The following CALN1 variants were observed in gnomAD, a reference collection of about 807,000 sequenced individuals.
CALN1 encodes the protein calneuron 1, also known as calcium-binding protein 8.
In CALN1, 17 loss-of-function variants were observed where a neutral mutation model predicts 30.6. That is an observed-to-expected ratio of 0.56 (90% CI 0.38 to 0.83). The LOEUF is 0.83. Among genes scored for constraint, CALN1 ranks in the 40% least tolerant of loss-of-function variants. CALN1 has a pLI of 0.00. For missense variants in CALN1, 291 were observed against 354.9 expected (o/e 0.82, Z 1.45); for synonymous variants, 156 against 131.4 (o/e 1.19, Z -1.28).
At chr7:71,846,909 C>CATACATATATGTATATTATAT (rs930248202) in intron 5 of CALN1, among the ~76,000 whole-genome samples, 4 of 143,678 alleles carry the variant, frequency 2.8e-5, no homozygotes, top group African/African-American at 1.0e-4. Context: ...ATAATATATA[C>CATACATATATGTATATTATAT]ATACATATAT....
At chr7:72,304,800 CA>C (rs1274786614) in intron 2 of CALN1, among the ~76,000 whole-genome samples, 4 of 151,996 alleles carry the variant, frequency 2.6e-5, no homozygotes, top group Non-Finnish European at 5.9e-5. Context: ...GGATATAAAC[CA>C]AAATGTAAAT....
intron 5 of CALN1, among the ~76,000 whole-genome samples, chr7:71,983,995 A>C (rs1216043455): frequency 6.6e-6 from 1 of 152,240 alleles, no homozygotes; most frequent in Non-Finnish European, 1.5e-5. Context: ...AAAAGATAAT[A>C]GTTTGTAAAG....
chr7:72,407,595 T>C (rs1261036164), intron 1 of CALN1, among the ~76,000 whole-genome samples: 1 of 152,172 alleles, frequency 6.6e-6, no homozygotes, highest in Non-Finnish European at 1.5e-5. Flanking sequence ...TCCACCATAA[T>C]TGTAAGTTTC....
At chr7:72,359,472 C>T (rs1040736518) in intron 2 of CALN1, among the ~76,000 whole-genome samples, 6 of 152,154 alleles carry the variant, frequency 3.9e-5, no homozygotes, top group African/African-American at 1.4e-4. Flanking sequence ...TTGTTCTCTA[C>T]CTTTCTTTTT....
At chr7:72,375,524 C>G (rs537281544) in intron 2 of CALN1, among the ~76,000 whole-genome samples, 4 of 150,166 alleles carry the variant, frequency 2.7e-5, no homozygotes, top group Admixed American at 1.3e-4. Context: ...TGTGACTGCA[C>G]CACTGTACTC....
At chr7:72,352,493 A>G (rs1162214322) in intron 2 of CALN1, among the ~76,000 whole-genome samples, 1 of 152,050 alleles carries the variant, frequency 6.6e-6, no homozygotes, top group African/African-American at 2.4e-5. Flanking sequence ...TAATAAGAAG[A>G]CACCTTAAAA....
chr7:72,392,822 G>A (rs1333956652), intron 2 of CALN1, among the ~76,000 whole-genome samples: 7 of 131,984 alleles, frequency 5.3e-5, no homozygotes. Context: ...AATTAAAAAA[G>A]ACCCTGTTTC....
At chr7:72,094,291 G>A (rs1280457881) in intron 4 of CALN1, among the ~76,000 whole-genome samples, 1 of 151,854 alleles carries the variant, frequency 6.6e-6, no homozygotes, top group Non-Finnish European at 1.5e-5. Flanking sequence ...TTTAACTCTT[G>A]TTGCCCAGGT....
At chr7:72,376,606 T>G (rs1375144398) in intron 2 of CALN1, among the ~76,000 whole-genome samples, 1 of 152,226 alleles carries the variant, frequency 6.6e-6, no homozygotes, top group Non-Finnish European at 1.5e-5. Context: ...TCTCTACATT[T>G]GACCATTATA....
At chr7:72,264,157 C>G (rs141778272) in intron 3 of CALN1, among the ~76,000 whole-genome samples, 4 of 152,308 alleles carry the variant, frequency 2.6e-5, no homozygotes, top group Admixed American at 6.5e-5. Context: ...AAACCCTAAG[C>G]AAGCCCATTT....
At chr7:72,374,770 T>A (rs992181556) in intron 2 of CALN1, among the ~76,000 whole-genome samples, 2 of 152,162 alleles carry the variant, frequency 1.3e-5, no homozygotes, top group African/African-American at 4.8e-5. Context: ...AATTTCCTCA[T>A]GTATCACCTT....
At chr7:72,265,505 GT>G (rs1171483024) in intron 3 of CALN1, among the ~76,000 whole-genome samples, 2 of 152,162 alleles carry the variant, frequency 1.3e-5, no homozygotes, top group Non-Finnish European at 2.9e-5. Flanking sequence ...GATGGATAAT[GT>G]TCAACAACTC....
chr7:72,404,931 G>A (rs111824341), intron 1 of CALN1, among the ~76,000 whole-genome samples: 4,487 of 152,310 alleles, frequency 0.029, 218 homozygotes, highest in African/African-American at 0.1. Context: ...AGCTACTGGT[G>A]TGAATGAATG....
intron 3 of CALN1, among the ~76,000 whole-genome samples, chr7:72,119,820 A>C (rs860002): frequency 1.3e-5 from 2 of 151,884 alleles, no homozygotes; most frequent in African/African-American, 4.8e-5. Flanking sequence ...TATGATTCAA[A>C]TACTTCTCAC....
intron 4 of CALN1, among the ~76,000 whole-genome samples, chr7:72,042,114 G>T (rs968027362): frequency 6.6e-6 from 1 of 152,142 alleles, no homozygotes; most frequent in Non-Finnish European, 1.5e-5. Flanking sequence ...TAGCAACTTG[G>T]TTTGAAGGGG....
At chr7:72,195,088 G>C (rs533924368) in intron 3 of CALN1, among the ~76,000 whole-genome samples, 1 of 152,082 alleles carries the variant, frequency 6.6e-6, no homozygotes, top group African/African-American at 2.4e-5. Context: ...TTTACAGTTC[G>C]TCATGTGAAG....
At chr7:72,416,576 A>C (rs1481738454), upstream of CALN1, among the ~76,000 whole-genome samples, 1 of 151,964 alleles carries the variant, frequency 6.6e-6, no homozygotes, top group African/African-American at 2.4e-5. Context: ...CTCTACTAAA[A>C]ATTCAAAACT....
intron 5 of CALN1, among the ~76,000 whole-genome samples, chr7:71,962,012 C>G (rs538254469): frequency 6.6e-6 from 1 of 152,126 alleles, no homozygotes; most frequent in African/African-American, 2.4e-5. Context: ...CCTGCCTACC[C>G]TATGTCCATC....
intron 2 of CALN1, among the ~76,000 whole-genome samples, chr7:72,377,652 G>T (rs550402009): frequency 7.9e-5 from 12 of 152,024 alleles, no homozygotes; most frequent in Non-Finnish European, 1.5e-4. Flanking sequence ...ATTATTTGTC[G>T]TATGTGGGCA....
Sources: allele counts gnomAD v4.1 joint callset (sites outside exome capture counted in the v4.1 genomes callset), GRCh38; gene constraint gnomAD v4.1.1; transcripts MANE v1.5; gene names NCBI Gene and HGNC (gene_info 2026-07-23, HGNC 2026-07-21).